The following RTN4 variants were observed in gnomAD, a reference collection of about 807,000 sequenced individuals.
RTN4 encodes the protein reticulon 4.
RTN4 carries 32 observed loss-of-function variants against 90.4 expected under a neutral mutation model. That is an observed-to-expected ratio of 0.35 (90% confidence interval 0.27 to 0.48). The LOEUF (loss-of-function observed/expected upper bound fraction) is 0.48, where lower values mean the gene tolerates loss of function less well. Among genes scored for constraint, RTN4 ranks in the 20% least tolerant of loss-of-function variants. The probability of loss-of-function intolerance (pLI) is 0.99; values close to 1 mark genes in which losing one functional copy is unlikely to be tolerated. For missense variants in RTN4, 1,706 were observed against 1,430.2 expected (o/e 1.19, Z -3.11); for synonymous variants, 629 against 552.5 (o/e 1.14, Z -1.94).
chr2:55,134,458 G>A, the RTN4 span, among the ~76,000 whole-genome samples: 1 of 152,074 alleles, frequency 6.6e-6, no homozygotes, highest in South Asian at 2.1e-4. Flanking sequence ...TCCAGAGACA[G>A]CCCCCAGACT....
rs202070632 is a variant in RTN4 at position 55,026,114 on chromosome 2, G to A, written c.1985C>T (p.Ala662Val). The change falls in exon 3 of 9, where the codon GCC (alanine) becomes GTC (valine). Residue 662 changes from alanine to valine, a missense_variant. By Grantham distance (64) the Ala-to-Val change is moderately conservative. Transcript: ENST00000337526. ...EPENPPPYEE[A>V]MSVSLKKVSG... Reference sequence around the variant, plus strand: ...TACTTTTTTTAGTGATACACTCATGGCCTCTTCATATGGTGGGGGGTTTTC... The same window carrying A: ...TACTTTTTTTAGTGATACACTCATGACCTCTTCATATGGTGGGGGGTTTTC... The A allele has an allele frequency of 1.9e-6, 3 of 1,613,146 alleles. No individual in the cohort carries two copies. In the African/African-American group the frequency reaches 4.0e-5, roughly 22 times the overall value.
At position 54,973,066 on chromosome 2, in the gene RTN4, G is replaced by T; in HGVS notation, c.*90C>A. On this transcript the variant is annotated 3_prime_UTR_variant, in exon 9 of 9. Transcript: ENST00000337526. ...ACGATCTGTGAAACTGCACTGCAAC[G>T]TCAAGGTTCGTTCTTCCCTGACCCT... is the stretch of plus-strand genomic sequence containing the variant. 2 of 1,068,700 alleles carry T rather than the reference G, an allele frequency of 1.9e-6. No individual in the cohort carries two copies. The highest frequency in any genetic ancestry group is 1.4e-6 in the Non-Finnish European group (1 of 710,266). The allele number at this position is 1,068,700 out of a possible 1,614,324, so 66.2% of individuals were successfully genotyped here.
At chr2:55,016,583 C>CAAACAA (rs1237527576) in intron 3 of RTN4, among the ~76,000 whole-genome samples, 3 of 151,998 alleles carry the variant, frequency 2.0e-5, no homozygotes, top group South Asian at 2.1e-4. Flanking sequence ...GACTATGTCT[C>CAAACAA]AAACAAAAAC....
intron 5 of RTN4, among the ~76,000 whole-genome samples, chr2:54,975,838 G>A (rs1336690390): frequency 6.6e-6 from 1 of 152,126 alleles, no homozygotes; most frequent in Non-Finnish European, 1.5e-5. Flanking sequence ...CAACACTCTG[G>A]TCACCCTAAC....
At chr2:55,050,870 A>G (rs1573482211), upstream of RTN4, 1 of 150,508 alleles carries the variant, frequency 6.6e-6, no homozygotes, top group Non-Finnish European at 1.5e-5. This position sits in a 1 kb window ranked among gnomAD's most constrained non-coding sequence, Gnocchi z 4.6. Flanking sequence ...GCTGGCTGGG[A>G]GGGGTCGGCG....
In RTN4 at chr2:55,049,764, C is replaced by T. The variant is rs569689764; in HGVS notation, c.537G>A (p.Arg179=). The T allele has an allele frequency of 8.2e-6, 11 of 1,335,082 alleles. No individual in the cohort carries two copies. The African/African-American group carries it at 9.2e-5, about 11-fold the overall frequency. The allele number at this position is 1,335,082 out of a possible 1,614,324, so 82.7% of individuals were successfully genotyped here. A position where few individuals can be genotyped will look rare whatever the true frequency, so the allele number is the denominator to read the frequency against. The change falls in exon 1 of 9, where the codon AGG becomes AGA. Residue 179 remains arginine (R), a synonymous_variant. Transcript: ENST00000337526. ...ACTCACCCACTGAGCCCGAGGAGCC[C>T]CTGCGCTTGGGCGCGGCCGGGGTGG... ...PPSTPAAPKR[R]GSSGSVDETL... is the part of the protein sequence containing the mutation.
At chr2:55,054,159 CTT>C (rs1186627989), upstream of RTN4, among the ~76,000 whole-genome samples, 1 of 152,064 alleles carries the variant, frequency 6.6e-6, no homozygotes, top group African/African-American at 2.4e-5. Flanking sequence ...GTTTCAGTCT[CTT>C]TTAAATAGAA....
chr2:55,106,691 T>G (rs1179182772), intron 1 of RTN4, among the ~76,000 whole-genome samples: 2 of 151,952 alleles, frequency 1.3e-5, no homozygotes, highest in Non-Finnish European at 2.9e-5. Flanking sequence ...GGCTAATTTT[T>G]GTATTTTTAG....
At chr2:54,985,496 G>T (rs552738842) in intron 4 of RTN4, among the ~76,000 whole-genome samples, 1 of 152,120 alleles carries the variant, frequency 6.6e-6, no homozygotes, top group South Asian at 2.1e-4. Context: ...TCAAGTTACT[G>T]AATTCCAACT....
At chr2:55,093,403 T>TC (rs1238333564) in intron 1 of RTN4, among the ~76,000 whole-genome samples, 1 of 63,694 alleles carries the variant, frequency 1.6e-5, no homozygotes, top group African/African-American at 4.9e-5. Context: ...TTTAATTTAT[T>TC]TTATATATAT....
intron 1 of RTN4, among the ~76,000 whole-genome samples, chr2:55,106,232 G>T (rs1667940845): frequency 6.6e-6 from 1 of 152,070 alleles, no homozygotes; most frequent in Admixed American, 6.6e-5. Flanking sequence ...TGTAGTCCCA[G>T]CTCAGACGCA....
At position 55,088,821 on chromosome 2, in the gene RTN4, T is replaced by G. The variant is rs374354157; in HGVS notation, c.-213-8182A>C. Among the ~76,000 whole-genome samples, 85 of 152,272 alleles carry G rather than the reference T, an allele frequency of 5.6e-4. 2 individuals carry two copies. The South Asian group carries it at 0.017, about 31-fold the overall frequency. On this transcript the variant is annotated intron_variant, in intron 1 of 3. Transcript: ENST00000427710. Reference sequence around the variant, plus strand: ...CTGAAAGGTGAAATTTATCCAACAGTGGGTTCATTAATTAGGAAGGGCTCC... The same window carrying G: ...CTGAAAGGTGAAATTTATCCAACAGGGGGTTCATTAATTAGGAAGGGCTCC...
chr2:54,976,882 G>A (rs563070658), intron 5 of RTN4, among the ~76,000 whole-genome samples: 47 of 152,290 alleles, frequency 3.1e-4, no homozygotes, highest in South Asian at 2.5e-3. Flanking sequence ...AACTGAAGAG[G>A]TCAAAGCTTA....
At chr2:55,053,305 G>A (rs1668129565), upstream of RTN4, among the ~76,000 whole-genome samples, 2 of 152,012 alleles carry the variant, frequency 1.3e-5, no homozygotes, top group African/African-American at 4.8e-5. Flanking sequence ...ACAAAATTCT[G>A]GTGGACATTT....
At chr2:55,030,843 C>T (rs549994661) in intron 1 of RTN4, among the ~76,000 whole-genome samples, 4 of 152,294 alleles carry the variant, frequency 2.6e-5, no homozygotes, top group African/African-American at 9.6e-5. Flanking sequence ...CAAGTTAGTT[C>T]TCCTGAAACA....
intron 1 of RTN4, among the ~76,000 whole-genome samples, chr2:55,106,127 G>A (rs1019089472): frequency 2.6e-5 from 4 of 151,998 alleles, no homozygotes; most frequent in Non-Finnish European, 5.9e-5. Flanking sequence ...ATACTGTTGA[G>A]ATTTGGTATT....
chr2:55,003,626 G>A (rs943074183), intron 3 of RTN4, among the ~76,000 whole-genome samples: 1 of 152,150 alleles, frequency 6.6e-6, no homozygotes, highest in African/African-American at 2.4e-5. Flanking sequence ...CAAGAGATGG[G>A]ACCAAGTGAA....
chr2:55,128,181 T>C, the RTN4 span, among the ~76,000 whole-genome samples: 1 of 152,162 alleles, frequency 6.6e-6, no homozygotes, highest in Non-Finnish European at 1.5e-5. Flanking sequence ...CAGCTGCCTT[T>C]GAGGACAGAG....
Position 55,026,677 on chromosome 2 carries a change from G to A in RTN4, c.1422C>T (p.Ser474=). 1.2e-6 allele frequency: 2 copies of A among 1,613,478 alleles called. No individual in the cohort carries two copies. The highest frequency in any genetic ancestry group is 1.7e-6 in the Non-Finnish European group (2 of 1,179,828). Residue 474 remains serine (S), a synonymous_variant, in exon 3 of 9, where the codon AGC becomes AGT. Transcript: ENST00000337526. ...CAPFNPAATE[S]IATNIFPLLG... ...ACAAAGGAAAAATGTTTGTTGCAAT[G>A]CTCTCAGTTGCTGCTGGGTTAAAGG...
Sources: gnomAD v4.1 joint callset for allele counts (sites outside exome capture counted in the v4.1 genomes callset) on GRCh38, gnomAD v4.1.1 for gene constraint, Gnocchi (gnomAD v3.1) non-coding constraint, MANE v1.5 for transcripts, NCBI Gene and HGNC (gene_info 2026-07-23, HGNC 2026-07-21) for gene names.